Variants in RBFOX1 observed in about 807,000 individuals in gnomAD.
The protein encoded by RBFOX1 is RNA binding protein fox-1 homolog 1.
A neutral mutation model predicts 57.7 loss-of-function variants in RBFOX1; 8 were observed. The ratio of observed to expected loss-of-function variants is 0.14; its 90% confidence interval spans 0.08 to 0.25. RBFOX1 has a LOEUF of 0.25. Ranked by LOEUF, RBFOX1 falls within the 10% of genes least tolerant of loss-of-function variation. RBFOX1 has a pLI of 1.00. For synonymous variants in RBFOX1, 326 were observed against 222.4 expected (o/e 1.47, Z -4.15); for missense variants, 611 against 548.5 (o/e 1.11, Z -1.14).
At chr16:6,601,833 T>C (rs17140710) in intron 2 of RBFOX1, among the ~76,000 whole-genome samples, 18,670 of 152,156 alleles carry the variant, frequency 0.12, 1,228 homozygotes, top group South Asian at 0.25. Flanking sequence ...GAATTGAAGA[T>C]GTTAAAGAGA....
At chr16:5,393,289 T>A (rs1458719190) in intron 1 of RBFOX1, among the ~76,000 whole-genome samples, 6 of 152,142 alleles carry the variant, frequency 3.9e-5, no homozygotes, top group South Asian at 2.1e-4. Flanking sequence ...ATTCATCACA[T>A]GGATGATTGG....
chr16:5,927,285 A>G (rs1395778683), intron 4 of RBFOX1, among the ~76,000 whole-genome samples: 2 of 152,362 alleles, frequency 1.3e-5, no homozygotes, highest in South Asian at 2.1e-4. Context: ...AGTTAAATAT[A>G]TATGTGTGTG....
intron 2 of RBFOX1, among the ~76,000 whole-genome samples, chr16:6,507,283 A>G (rs1034150158): frequency 6.6e-6 from 1 of 152,118 alleles, no homozygotes; most frequent in Non-Finnish European, 1.5e-5. Flanking sequence ...TCATAGCAGC[A>G]TGTTTACAAT....
chr16:6,636,813 A>AATATATATAATATATAATATATAAT (rs369340131), intron 2 of RBFOX1, among the ~76,000 whole-genome samples: 6 of 44,262 alleles, frequency 1.4e-4, no homozygotes, highest in African/African-American at 3.7e-4. Flanking sequence ...TATAATATAT[A>AATATATATAATATATAATATATAAT]ATATATAATA....
chr16:5,903,861 G>T (rs1375995861), intron 4 of RBFOX1, among the ~76,000 whole-genome samples: 1 of 152,148 alleles, frequency 6.6e-6, no homozygotes, highest in Non-Finnish European at 1.5e-5. Context: ...AGATGCGGGG[G>T]CCTTGGTTGG....
intron 4 of RBFOX1, among the ~76,000 whole-genome samples, chr16:7,310,217 C>A (rs1306686004): frequency 6.6e-6 from 1 of 152,192 alleles, no homozygotes; most frequent in Non-Finnish European, 1.5e-5. Context: ...CAGAGCTGGC[C>A]AGGGTTCTCT....
intron 4 of RBFOX1, among the ~76,000 whole-genome samples, chr16:7,069,365 A>G (rs896431805): frequency 3.9e-5 from 6 of 151,904 alleles, no homozygotes; most frequent in African/African-American, 9.7e-5. Flanking sequence ...AGTCTCCCCA[A>G]AGAGGCCCGG....
intron 3 of RBFOX1, chr16:6,704,665 C>G (rs2062419317): frequency 6.6e-6 from 1 of 152,362 alleles, no homozygotes; most frequent in Admixed American, 6.6e-5. Context: ...GAGAGCCTGC[C>G]TAACTGCCTA....
At chr16:7,230,012 G>A (rs1288413342) in intron 4 of RBFOX1, among the ~76,000 whole-genome samples, 1 of 124,984 alleles carries the variant, frequency 8.0e-6, no homozygotes, top group African/African-American at 3.4e-5. Context: ...GGGAGAGAGA[G>A]GGAGGAAGAG....
intron 3 of RBFOX1, among the ~76,000 whole-genome samples, chr16:5,834,594 A>T (rs76482692): frequency 0.015 from 2,252 of 149,832 alleles, 29 homozygotes; most frequent in African/African-American, 0.041. Flanking sequence ...AGATAGATAG[A>T]TAGATAGATA....
At chr16:6,731,375 T>C (rs191017837) in intron 3 of RBFOX1, among the ~76,000 whole-genome samples, 2 of 152,260 alleles carry the variant, frequency 1.3e-5, no homozygotes, top group African/African-American at 4.8e-5. Flanking sequence ...GACTATACTT[T>C]AGAAACAGGG....
intron 1 of RBFOX1, among the ~76,000 whole-genome samples, chr16:6,262,653 G>C (rs1938113910): frequency 6.6e-6 from 1 of 152,102 alleles, no homozygotes; most frequent in Admixed American, 6.6e-5. Flanking sequence ...TTATGTTCTG[G>C]GAAGAATCGG....
intron 4 of RBFOX1, among the ~76,000 whole-genome samples, chr16:7,374,198 T>A (rs2097639897): frequency 6.6e-6 from 1 of 152,118 alleles, no homozygotes; most frequent in African/African-American, 2.4e-5. Context: ...GAGCATGAAT[T>A]TTGGGGATTC....
intron 3 of RBFOX1, among the ~76,000 whole-genome samples, chr16:6,673,661 C>T (rs868431470): frequency 2.0e-5 from 3 of 151,982 alleles, no homozygotes; most frequent in East Asian, 3.9e-4. Context: ...GCTGACTTGC[C>T]GGGGTGGAGG....
chr16:6,110,778 A>G (rs766299881), intron 1 of RBFOX1, among the ~76,000 whole-genome samples: 1 of 152,122 alleles, frequency 6.6e-6, no homozygotes, highest in Non-Finnish European at 1.5e-5. Flanking sequence ...CTTGAGACCT[A>G]TTTCACTGCT....
intron 4 of RBFOX1, among the ~76,000 whole-genome samples, chr16:5,917,869 C>T (rs190986484): frequency 2.6e-5 from 4 of 152,238 alleles, no homozygotes; most frequent in East Asian, 3.9e-4. Flanking sequence ...CCCTGGTCCC[C>T]GTCAGGTTCC....
intron 3 of RBFOX1, among the ~76,000 whole-genome samples, chr16:5,742,890 G>A (rs2052828443): frequency 6.6e-6 from 1 of 152,076 alleles, no homozygotes; most frequent in African/African-American, 2.4e-5. Flanking sequence ...ATCTGGTCAG[G>A]TGTTGGGATA....
intron 2 of RBFOX1, among the ~76,000 whole-genome samples, chr16:5,487,971 T>G (rs991462030): frequency 7.2e-5 from 11 of 152,024 alleles, no homozygotes; most frequent in African/African-American, 1.7e-4. Flanking sequence ...ATGATTATGG[T>G]GAAGACGATG....
chr16:7,543,657 T>C (rs542160300), intron 5 of RBFOX1, among the ~76,000 whole-genome samples: 1 of 150,638 alleles, frequency 6.6e-6, no homozygotes, highest in African/African-American at 2.4e-5. Context: ...TGCACCATGC[T>C]GGGCAGTATC....
Sources: gnomAD v4.1 joint callset for allele counts (sites outside exome capture counted in the v4.1 genomes callset) on GRCh38, gnomAD v4.1.1 for gene constraint, MANE v1.5 for transcripts, NCBI Gene and HGNC (gene_info 2026-07-23, HGNC 2026-07-21) for gene names.